The following RGS7 variants were observed in gnomAD, a reference collection of about 807,000 sequenced individuals.
The protein encoded by RGS7 is regulator of G-protein signaling 7.
Under a neutral mutation model 81.1 loss-of-function variants are expected in RGS7, and 27 were observed. The ratio of observed to expected loss-of-function variants is 0.33; its 90% CI spans 0.25 to 0.46. RGS7 has a LOEUF of 0.46. RGS7 is among the 20% of genes least tolerant of loss of function. The pLI is 1.00. For synonymous variants in RGS7, 208 were observed against 207.7 expected, an observed-to-expected ratio of 1.00 and a Z score of -0.01; for missense variants, 396 against 607.4, an observed-to-expected ratio of 0.65 and a Z score of 3.66.
At chr1:240,950,168 A>G (rs261843) in intron 4 of RGS7, among the ~76,000 whole-genome samples, 151,238 of 152,274 alleles carry the variant, frequency 0.99, 75,116 homozygotes, top group Middle Eastern at 1. Context: ...GCTTGACAAT[A>G]AGGAACTCGA....
chr1:241,182,260 C>T (rs1219515458), intron 2 of RGS7, among the ~76,000 whole-genome samples: 1 of 152,078 alleles, frequency 6.6e-6, no homozygotes, highest in Non-Finnish European at 1.5e-5. Context: ...CTGGCCCAGC[C>T]CATCTTGTTG....
chr1:241,127,169 A>C (rs1261539950), intron 2 of RGS7, among the ~76,000 whole-genome samples: 1 of 152,210 alleles, frequency 6.6e-6, no homozygotes, highest in Non-Finnish European at 1.5e-5. Context: ...GCCTTACCTG[A>C]GGAGGTAACT....
intron 6 of RGS7, among the ~76,000 whole-genome samples, chr1:240,894,910 A>G (rs1041929997): frequency 2.0e-5 from 3 of 152,074 alleles, no homozygotes; most frequent in Non-Finnish European, 2.9e-5. Context: ...TTTCCAGGTG[A>G]TATAGTTTGG....
chr1:241,355,631 C>A (rs1404635317), intron 2 of RGS7, 68 bp downstream of exon 2: 1 of 1,379,398 alleles, frequency 7.2e-7, no homozygotes, highest in African/African-American at 1.4e-5. Flanking sequence ...ATACTCTGAT[C>A]TAGAGGGGGA....
At chr1:241,282,882 T>C (rs2078600276) in intron 2 of RGS7, among the ~76,000 whole-genome samples, 1 of 152,212 alleles carries the variant, frequency 6.6e-6, no homozygotes, top group Admixed American at 6.5e-5. Flanking sequence ...AACTAATATG[T>C]GTATAAAATT....
rs141050994 is a variant in RGS7 at position 240,901,988 on chromosome 1, A to G, written c.385+28729T>C. ...TAGGGCATTTGTTTTAGTTCTGACA[A>G]CCCTTTATGTTAAGGGTCAATAGAG... On this transcript the variant is annotated intron_variant, in intron 6 of 18. Transcript: ENST00000440928. 1.2e-3 allele frequency among the ~76,000 whole-genome samples: 188 copies of G among 152,218 alleles called. 1 individual carries two copies. The highest frequency in any genetic ancestry group is 3.8e-3 in the African/African-American group (158 of 41,538).
intron 6 of RGS7, among the ~76,000 whole-genome samples, chr1:240,875,427 C>T (rs770600638): frequency 1.3e-5 from 2 of 152,166 alleles, no homozygotes; most frequent in Non-Finnish European, 2.9e-5. Flanking sequence ...TTTACCCATT[C>T]GCCTGTTGCT....
At chr1:241,348,173 T>C (rs2083023308) in intron 2 of RGS7, among the ~76,000 whole-genome samples, 1 of 152,240 alleles carries the variant, frequency 6.6e-6, no homozygotes, top group Non-Finnish European at 1.5e-5. Context: ...ACGTGGCTAG[T>C]GGCTACTATA....
intron 6 of RGS7, among the ~76,000 whole-genome samples, chr1:240,891,844 C>T (rs1668339468): frequency 6.6e-6 from 1 of 152,196 alleles, no homozygotes; most frequent in African/African-American, 2.4e-5. Context: ...TTCAGGGTAG[C>T]TGTGTGAGTT....
At chr1:240,782,347 G>A (rs910095760) in intron 18 of RGS7, among the ~76,000 whole-genome samples, 3 of 152,224 alleles carry the variant, frequency 2.0e-5, no homozygotes, top group African/African-American at 7.2e-5. Context: ...CTTGGATGCT[G>A]TATGGAACCA....
At chr1:240,976,097 G>GCTTA (rs2148528953) in intron 4 of RGS7, among the ~76,000 whole-genome samples, 1 of 152,364 alleles carries the variant, frequency 6.6e-6, no homozygotes, top group South Asian at 2.1e-4. Flanking sequence ...TTAGCTGACA[G>GCTTA]CTTACCAAGT....
intron 2 of RGS7, among the ~76,000 whole-genome samples, chr1:241,172,322 G>C (rs1477066575): frequency 1.3e-5 from 2 of 152,112 alleles, no homozygotes; most frequent in Non-Finnish European, 2.9e-5. Flanking sequence ...CACCGACTTG[G>C]ATGAGGAAAA....
chr1:240,925,177 G>T (rs964470611), intron 6 of RGS7, among the ~76,000 whole-genome samples: 1 of 151,988 alleles, frequency 6.6e-6, no homozygotes, highest in African/African-American at 2.4e-5. Context: ...TGTTACATGG[G>T]TATATTGCAT....
intron 4 of RGS7, among the ~76,000 whole-genome samples, chr1:240,966,258 T>C (rs1325097303): frequency 6.6e-6 from 1 of 152,172 alleles, no homozygotes; most frequent in Non-Finnish European, 1.5e-5. Context: ...TTGCAGGATG[T>C]CATGACACTT....
In RGS7 at chr1:241,101,357, A is replaced by G. The variant is rs113242131; in HGVS notation, c.79-2595T>C. Among the ~76,000 whole-genome samples the G allele has an allele frequency of 3.3e-3, 498 of 152,180 alleles. 2 individuals are homozygous for G. The highest frequency in any genetic ancestry group is 0.011 in the African/African-American group (455 of 41,526). ...CTAAAAATACAAAAATTAGCTGGGCATGGTGACAGGCGCCTGTAATCCCAG... is the reference window on the plus strand; with the variant it reads ...CTAAAAATACAAAAATTAGCTGGGCGTGGTGACAGGCGCCTGTAATCCCAG... On this transcript the variant is annotated intron_variant, in intron 2 of 18. Transcript: ENST00000440928.
intron 3 of RGS7, among the ~76,000 whole-genome samples, chr1:241,005,595 G>T (rs2058644859): frequency 6.6e-6 from 1 of 152,108 alleles, no homozygotes; most frequent in African/African-American, 2.4e-5. Context: ...GATTGCAGTG[G>T]TGTGATCTCG....
rs1026529731 is a variant in RGS7 at position 240,775,871 on chromosome 1, G to A, written c.*349C>T. The A allele has an allele frequency of 5.5e-6, 2 of 361,166 alleles. No individual in the cohort carries two copies. The highest frequency in any genetic ancestry group is 1.0e-5 in the Non-Finnish European group (2 of 191,170). The allele number at this position is 361,166 out of a possible 1,614,324, so 22.4% of individuals were successfully genotyped here. A position where few individuals can be genotyped will look rare whatever the true frequency, so the allele number is the denominator to read the frequency against. On this transcript the variant is annotated 3_prime_UTR_variant, in exon 19 of 19. Coordinates refer to ENST00000440928, the MANE Select transcript of RGS7 (RefSeq NM_001364886.1). ...TGTCTAACTGAAGCTTTGAGAGAGA[G>A]AGAGAGAGAAAGAAGGAAAAAAAGA...
chr1:241,245,818 A>T (rs2148174643), intron 2 of RGS7, among the ~76,000 whole-genome samples: 1 of 144,092 alleles, frequency 6.9e-6, no homozygotes, highest in South Asian at 2.2e-4. Flanking sequence ...AAAAACAAAC[A>T]AACAGGCAGG....
intron 2 of RGS7, among the ~76,000 whole-genome samples, chr1:241,309,947 G>T (rs371665337): frequency 1.3e-5 from 2 of 152,188 alleles, no homozygotes; most frequent in African/African-American, 4.8e-5. Context: ...AAGAATCAAT[G>T]TGTCAAACTG....
Sources: allele counts gnomAD v4.1 joint callset (sites outside exome capture counted in the v4.1 genomes callset), GRCh38; gene constraint gnomAD v4.1.1; transcripts MANE v1.5; gene names NCBI Gene and HGNC (gene_info 2026-07-23, HGNC 2026-07-21).